The following PEAK1 variants were observed in gnomAD, a reference collection of about 807,000 sequenced individuals.
PEAK1 encodes the protein pseudopodium enriched atypical kinase 1.
PEAK1 carries 54 observed loss-of-function variants against 124.7 expected under a neutral mutation model. That is an observed-to-expected ratio of 0.43 (90% confidence interval 0.35 to 0.54). The LOEUF is 0.54. Ranked by LOEUF, PEAK1 falls within the 20% of genes least tolerant of loss-of-function variation. The pLI is 0.01. For synonymous variants in PEAK1, 719 were observed against 760.0 expected (o/e 0.95, Z 0.89); for missense variants, 2,046 against 2,134.5 (o/e 0.96, Z 0.82).
At chr15:77,267,771 GA>G (rs1470839948) in intron 5 of PEAK1, among the ~76,000 whole-genome samples, 2 of 151,960 alleles carry the variant, frequency 1.3e-5, no homozygotes, top group African/African-American at 4.8e-5. Flanking sequence ...GAAGGAACCA[GA>G]AAAACAATTC....
At chr15:77,392,404 A>G (rs2070546272) in intron 1 of PEAK1, among the ~76,000 whole-genome samples, 1 of 152,342 alleles carries the variant, frequency 6.6e-6, no homozygotes, top group Admixed American at 6.5e-5. Context: ...AAATAACTCA[A>G]ATTTTGATAA....
intron 9 of PEAK1, among the ~76,000 whole-genome samples, chr15:77,129,599 C>CTTTTTTT (rs148499293): frequency 2.3e-5 from 3 of 130,004 alleles, no homozygotes; most frequent in African/African-American, 2.9e-5. Flanking sequence ...CAATGACTGG[C>CTTTTTTT]TATTTTTTTT....
At chr15:77,331,679 C>T (rs911737154) in intron 2 of PEAK1, among the ~76,000 whole-genome samples, 3 of 151,366 alleles carry the variant, frequency 2.0e-5, no homozygotes, top group African/African-American at 4.9e-5. Context: ...GTCAGTGGCA[C>T]GATCTCAGCT....
At chr15:77,210,529 C>T (rs1242567106) in intron 6 of PEAK1, among the ~76,000 whole-genome samples, 1 of 152,000 alleles carries the variant, frequency 6.6e-6, no homozygotes, top group Admixed American at 6.6e-5. Context: ...TTTTGATGAC[C>T]AAAGATAAAA....
At chr15:77,163,215 T>C (rs1321371882) in intron 7 of PEAK1, among the ~76,000 whole-genome samples, 3 of 152,240 alleles carry the variant, frequency 2.0e-5, no homozygotes, top group Non-Finnish European at 4.4e-5. Context: ...CAACCAACTT[T>C]CCATTAATGA....
At chr15:77,275,594 T>C (rs2062272350) in intron 5 of PEAK1, among the ~76,000 whole-genome samples, 1 of 152,018 alleles carries the variant, frequency 6.6e-6, no homozygotes, top group Non-Finnish European at 1.5e-5. Context: ...TGCGTGCCTG[T>C]AATCCCAGCT....
rs367614894 is a variant in PEAK1 at position 77,262,454 on chromosome 15, C to T, written c.-274-9928G>A. 4.0e-5 allele frequency among the ~76,000 whole-genome samples: 6 copies of T among 151,234 alleles called. No homozygotes were observed. In the East Asian group the frequency reaches 7.7e-4, roughly 19 times the overall value. Reference sequence around the variant, plus strand: ...TGGAAAACAAAAAAGGCAGGGGTTGCAATCCTAGTCTCTGATAAAACAGAC... The same window carrying T: ...TGGAAAACAAAAAAGGCAGGGGTTGTAATCCTAGTCTCTGATAAAACAGAC... On this transcript the variant is annotated intron_variant, in intron 5 of 9. Transcript: ENST00000682557.
intron 6 of PEAK1, chr15:77,239,913 A>G (rs1327352211): frequency 3.6e-6 from 3 of 832,888 alleles, no homozygotes; most frequent in Non-Finnish European, 4.3e-6. Flanking sequence ...TGGCAACCTA[A>G]TTATATGTTT....
intron 2 of PEAK1, among the ~76,000 whole-genome samples, chr15:77,363,620 C>T (rs1262241298): frequency 6.6e-6 from 1 of 152,158 alleles, no homozygotes; most frequent in African/African-American, 2.4e-5. Context: ...TCAGCTTTAA[C>T]TTCTTGCTTA....
At position 77,179,790 on chromosome 15, in the gene PEAK1, G is replaced by C. The variant is rs1332249971; in HGVS notation, c.2137C>G (p.Leu713Val). Residue 713 changes from leucine to valine, a missense_variant, in exon 7 of 10, where the codon CTC (leucine) becomes GTC (valine). By Grantham distance (32) the Leu-to-Val change is conservative. Coordinates refer to ENST00000682557, the MANE Select transcript of PEAK1 (RefSeq NM_001385026.1). ...AQKVQEFNNC[L>V]NRGQSSPQRS... ...TGTGGTGAAGACTGACCTCTGTTGA[G>C]ACAGTTGTTAAACTCTTGAACCTTC... 2 of 1,614,002 alleles carry C rather than the reference G, an allele frequency of 1.2e-6. No individual in the cohort carries two copies. Among genetic ancestry groups the C allele is most frequent in the Admixed American group, 1.7e-5 (1 of 59,986 alleles).
chr15:77,115,021 A>G lies in PEAK1; in HGVS notation c.4376T>C (p.Val1459Ala), dbSNP rs762218240. 8 of 1,613,996 alleles carry G rather than the reference A, an allele frequency of 5.0e-6. No homozygotes were observed. The African/African-American group carries it at 1.1e-4, about 22-fold the overall frequency. Reference sequence around the variant, plus strand: ...TGGAACCTCCCTGGTGATGACCACAACGTGGCTCCTCTGCTTCTTGCTCAT... The same window carrying G: ...TGGAACCTCCCTGGTGATGACCACAGCGTGGCTCCTCTGCTTCTTGCTCAT... ...GVMSKKQRSH[V>A]VVITREVPCL... is the part of the protein sequence containing the mutation. Residue 1459 changes from valine to alanine, a missense_variant, in exon 10 of 10, where the codon GTT (valine) becomes GCT (alanine). Physicochemically the swap from Val to Ala is moderately conservative, Grantham distance 64 (BLOSUM62 0). Coordinates refer to ENST00000682557, the MANE Select transcript of PEAK1 (RefSeq NM_001385026.1).
chr15:77,186,101 C>G (rs2057533565), intron 6 of PEAK1, among the ~76,000 whole-genome samples: 2 of 152,136 alleles, frequency 1.3e-5, no homozygotes, highest in African/African-American at 2.4e-5. Context: ...CATATGTAAA[C>G]TTATTATTCA....
rs1303080524 is a variant in PEAK1, at chr15:77,350,171, T to C, written c.-603+14992A>G. On this transcript the variant is annotated intron_variant, in intron 2 of 9. Coordinates refer to ENST00000682557, the MANE Select transcript of PEAK1 (RefSeq NM_001385026.1). ...CATGCACAAAAGTAATCTCTGAGTTTTGCAACTACTAACTGGCAACACTGT... is the reference window on the plus strand; with the variant it reads ...CATGCACAAAAGTAATCTCTGAGTTCTGCAACTACTAACTGGCAACACTGT... 6 of 985,318 alleles carry C rather than the reference T, an allele frequency of 6.1e-6. No homozygotes were observed. In the East Asian group the frequency reaches 5.7e-4, roughly 93 times the overall value. 61.0% of individuals were successfully genotyped at this position (985,318 alleles called of 1,614,324 possible). A position where few individuals can be genotyped will look rare whatever the true frequency, so the allele number is the denominator to read the frequency against.
intron 2 of PEAK1, among the ~76,000 whole-genome samples, chr15:77,304,827 TA>T (rs1166899639): frequency 6.6e-6 from 1 of 152,102 alleles, no homozygotes; most frequent in African/African-American, 2.4e-5. Context: ...TTCCTGGGAT[TA>T]AAAAGTTTTA....
chr15:77,268,473 C>CAA (rs895058121), intron 5 of PEAK1, among the ~76,000 whole-genome samples: 13 of 116,082 alleles, frequency 1.1e-4, no homozygotes, highest in African/African-American at 3.9e-4. Flanking sequence ...GATTCCATCT[C>CAA]AAAAAAAAAA....
intron 2 of PEAK1, chr15:77,350,303 T>C (rs2067130060): frequency 2.0e-6 from 2 of 985,264 alleles, no homozygotes; most frequent in Admixed American, 6.2e-5. Context: ...ATAATTTGGG[T>C]GGGAATCCAG....
chr15:77,180,345 C>T lies in PEAK1; in HGVS notation c.1582G>A (p.Ala528Thr), dbSNP rs1440812969. ...GTCCATACTTCTTGGTATCGAATTGCACTGGATTTTTGGAAATGGGCACTT... is the reference window on the plus strand; with the variant it reads ...GTCCATACTTCTTGGTATCGAATTGTACTGGATTTTTGGAAATGGGCACTT... The part of the protein sequence containing the change: ...QISAHFQKSS[A>T]IRYQEVWTSS... The change falls in exon 7 of 10, where the codon GCA becomes ACA. Residue 528 changes from alanine (A) to threonine (T), a missense_variant. Physicochemically the swap from Ala to Thr is moderately conservative, Grantham distance 58 (BLOSUM62 0). Transcript: ENST00000682557. 6.2e-7 allele frequency: 1 copy of T among 1,614,032 alleles called. No individual in the cohort carries two copies. The highest frequency in any genetic ancestry group is 8.5e-7 in the Non-Finnish European group (1 of 1,179,994).
intron 2 of PEAK1, among the ~76,000 whole-genome samples, chr15:77,315,437 C>T (rs886740750): frequency 1.7e-4 from 26 of 152,014 alleles, no homozygotes; most frequent in African/African-American, 6.3e-4. Flanking sequence ...CTTAGCATTT[C>T]GAGTCGTGTG....
At chr15:77,204,594 G>C (rs1441692030) in intron 6 of PEAK1, 1 of 152,564 alleles carries the variant, frequency 6.6e-6, no homozygotes, top group Non-Finnish European at 1.5e-5. Flanking sequence ...AAGAGCCCAA[G>C]GAGATTGGCC....
Sources: gnomAD v4.1 joint callset for allele counts (sites outside exome capture counted in the v4.1 genomes callset) on GRCh38, gnomAD v4.1.1 for gene constraint, MANE v1.5 for transcripts, NCBI Gene and HGNC (gene_info 2026-07-23, HGNC 2026-07-21) for gene names.